The following TAOK1 variants were observed in gnomAD, a reference collection of about 807,000 sequenced individuals.
TAOK1 encodes serine/threonine-protein kinase TAO1.
Under a neutral mutation model 138.3 loss-of-function variants are expected in TAOK1, and 21 were observed. The ratio of observed to expected loss-of-function variants is 0.15; its 90% CI spans 0.11 to 0.22. The LOEUF (loss-of-function observed/expected upper bound fraction) is 0.22, where lower values mean the gene tolerates loss of function less well. TAOK1 is among the 10% of genes least tolerant of loss of function. The pLI is 1.00. For synonymous variants in TAOK1, 361 were observed against 398.4 expected, an observed-to-expected ratio of 0.91 and a Z score of 1.12; for missense variants, 651 against 1,227.7, an observed-to-expected ratio of 0.53 and a Z score of 7.02.
intron 1 of TAOK1, among the ~76,000 whole-genome samples, chr17:29,406,638 C>T (rs1905000247): frequency 1.3e-5 from 2 of 152,020 alleles, no homozygotes; most frequent in Admixed American, 1.3e-4. Flanking sequence ...CCCAAGCAGT[C>T]CTCCCACCTC....
chr17:29,459,249 A>G (rs116505771), intron 2 of TAOK1, among the ~76,000 whole-genome samples: 1,999 of 150,070 alleles, frequency 0.013, 44 homozygotes, highest in African/African-American at 0.046. Flanking sequence ...CATTTTGCAT[A>G]CTGTTGTTTT....
chr17:29,452,955 TG>T (rs1352682379), intron 2 of TAOK1, among the ~76,000 whole-genome samples: 1 of 152,182 alleles, frequency 6.6e-6, no homozygotes, highest in African/African-American at 2.4e-5. Flanking sequence ...GATGTGTATC[TG>T]GTTGAGTCCC....
At chr17:29,480,143 G>T in intron 6 of TAOK1, 1 of 302,664 alleles carries the variant, frequency 3.3e-6, no homozygotes, top group Non-Finnish European at 6.0e-6. Flanking sequence ...ACTGCTATTT[G>T]TCTTCTCTTT....
intron 1 of TAOK1, among the ~76,000 whole-genome samples, chr17:29,431,433 C>A (rs1187253630): frequency 6.6e-6 from 1 of 151,724 alleles, no homozygotes; most frequent in Non-Finnish European, 1.5e-5. Context: ...CGGAGCGAGA[C>A]CCTGTCTCTA....
chr17:29,506,061 C>T (rs1324201892), intron 13 of TAOK1, among the ~76,000 whole-genome samples: 2 of 152,120 alleles, frequency 1.3e-5, no homozygotes, highest in Non-Finnish European at 2.9e-5. Context: ...GTGGAGGTTC[C>T]TCAAAAAACT....
chr17:29,502,012 C>T (rs2031539873), intron 12 of TAOK1, among the ~76,000 whole-genome samples: 1 of 152,140 alleles, frequency 6.6e-6, no homozygotes, highest in South Asian at 2.1e-4. Flanking sequence ...TGCACTCCAA[C>T]CTGGGTGACA....
chr17:29,468,033 G>A (rs2030716424), intron 3 of TAOK1, among the ~76,000 whole-genome samples: 1 of 150,752 alleles, frequency 6.6e-6, no homozygotes, highest in Admixed American at 6.6e-5. Context: ...CTCCATGTTG[G>A]CCAGGCTGGT....
chr17:29,471,664 C>T (rs2030822051), intron 3 of TAOK1, among the ~76,000 whole-genome samples: 1 of 152,058 alleles, frequency 6.6e-6, no homozygotes, highest in Non-Finnish European at 1.5e-5. Context: ...ATCTTGCTTC[C>T]ATGTTGATGG....
At chr17:29,536,373 G>A (rs559134366) in intron 19 of TAOK1, among the ~76,000 whole-genome samples, 8 of 151,968 alleles carry the variant, frequency 5.3e-5, no homozygotes, top group African/African-American at 1.4e-4. Context: ...CAAGGCGGGC[G>A]GATCACGAGG....
chr17:29,487,364 TGTA>T lies in TAOK1; in HGVS notation c.656-2296_656-2294del, dbSNP rs547393846. On this transcript the variant is annotated intron_variant, in intron 8 of 19. Transcript: ENST00000261716. ...GGTGTTAGATTGGAATTTGAGATAT[TGTA>T]GTAAATTTATTGTTTTCAAATATAA... 2.2e-4 allele frequency among the ~76,000 whole-genome samples: 34 copies of T among 152,130 alleles called. No homozygotes were observed. The East Asian group carries it at 4.4e-3, about 20-fold the overall frequency.
intron 1 of TAOK1, among the ~76,000 whole-genome samples, chr17:29,418,099 G>C (rs1905312819): frequency 6.6e-6 from 1 of 152,096 alleles, no homozygotes. Flanking sequence ...TGTTGCCCAG[G>C]CTGGTCTGAA....
At chr17:29,475,894 T>C (rs1479116700) in intron 4 of TAOK1, 123 bp downstream of exon 4, 1 of 729,048 alleles carries the variant, frequency 1.4e-6, no homozygotes, top group Non-Finnish European at 2.3e-6. Flanking sequence ...TAGTTCGTAC[T>C]GAAAGAAAAC....
chr17:29,497,913 CT>C (rs899626966), intron 11 of TAOK1, among the ~76,000 whole-genome samples: 107 of 144,240 alleles, frequency 7.4e-4, no homozygotes, highest in Admixed American at 1.0e-3. Flanking sequence ...ATAGCCAGTG[CT>C]TTTTTTTTTT....
At chr17:29,438,139 A>G (rs1906097976) in intron 1 of TAOK1, among the ~76,000 whole-genome samples, 1 of 152,184 alleles carries the variant, frequency 6.6e-6, no homozygotes, top group East Asian at 1.9e-4. Context: ...AAACATTCAT[A>G]TGTATAAGCC....
chr17:29,483,848 T>C (rs894143533), intron 8 of TAOK1, among the ~76,000 whole-genome samples: 1 of 152,202 alleles, frequency 6.6e-6, no homozygotes, highest in Non-Finnish European at 1.5e-5. Context: ...TTACCTATGA[T>C]TCTTTTTCCT....
chr17:29,481,196 C>CTT (rs35861778), intron 7 of TAOK1, among the ~76,000 whole-genome samples: 11 of 142,818 alleles, frequency 7.7e-5, no homozygotes, highest in African/African-American at 1.3e-4. Flanking sequence ...AAAAATTAGA[C>CTT]TTTTTTTTTT....
intron 8 of TAOK1, among the ~76,000 whole-genome samples, chr17:29,483,491 A>G (rs1218206862): frequency 6.6e-6 from 1 of 152,238 alleles, no homozygotes; most frequent in Non-Finnish European, 1.5e-5. Context: ...TTTCTAAAAT[A>G]AGTATAGGGA....
chr17:29,547,313 A>T lies in TAOK1; in HGVS notation c.*4291A>T, dbSNP rs2032417841. The T allele has an allele frequency of 6.6e-6, 1 of 152,096 alleles. No homozygotes were observed. The highest frequency in any genetic ancestry group is 2.1e-4 in the South Asian group (1 of 4,824). 9.4% of individuals were successfully genotyped at this position (152,096 alleles called of 1,614,324 possible). ...CATCTAAGATTCTCCTGAACTGTAA[A>T]ATCAACAGGAAATGGCCACTGGGAG... On this transcript the variant is annotated 3_prime_UTR_variant, in exon 20 of 20. Transcript: ENST00000261716.
chr17:29,428,010 TAG>T (rs1199422214), intron 1 of TAOK1, among the ~76,000 whole-genome samples: 2 of 151,978 alleles, frequency 1.3e-5, no homozygotes, highest in Non-Finnish European at 2.9e-5. Context: ...GAAGAGAGTC[TAG>T]GATAGCTCCT....
Sources: allele counts gnomAD v4.1 joint callset (sites outside exome capture counted in the v4.1 genomes callset), GRCh38; gene constraint gnomAD v4.1.1; transcripts MANE v1.5; gene names NCBI Gene and HGNC (gene_info 2026-07-23, HGNC 2026-07-21).